DNAAF11: variants seen among roughly 807,000 people sequenced by gnomAD.
DNAAF11 encodes leucine rich repeat containing 6.
Under a neutral mutation model 60.8 loss-of-function variants are expected in DNAAF11, and 45 were observed. That is an observed-to-expected ratio of 0.74 (90% CI 0.58 to 0.95). The LOEUF (loss-of-function observed/expected upper bound fraction) is 0.95, where lower values mean the gene tolerates loss of function less well. Ranked by LOEUF, DNAAF11 falls within the 40% of genes least tolerant of loss-of-function variation. The pLI, the probability that DNAAF11 is intolerant of heterozygous loss-of-function variation, is 0.00. For synonymous variants in DNAAF11, 191 were observed against 183.5 expected (o/e 1.04, Z -0.33); for missense variants, 546 against 546.2 (o/e 1.00, Z 0.00).
At chr8:132,694,842 G>A in the DNAAF11 span, among the ~76,000 whole-genome samples, 21,627 of 152,122 alleles carry the variant, frequency 0.14, 4,408 homozygotes, top group African/African-American at 0.45. Flanking sequence ...GTTTACAATC[G>A]TGAGTATGGA....
the DNAAF11 span, among the ~76,000 whole-genome samples, chr8:132,697,256 C>T: frequency 1.3e-5 from 2 of 152,114 alleles, no homozygotes. Flanking sequence ...GTGATGCCTG[C>T]ATAACTGTAA....
intron 10 of DNAAF11, among the ~76,000 whole-genome samples, chr8:132,606,754 C>G (rs1175037802): frequency 6.6e-6 from 1 of 152,050 alleles, no homozygotes; most frequent in Non-Finnish European, 1.5e-5. Context: ...GGCTCCTGCC[C>G]CAACCTTCCA....
intron 5 of DNAAF11, 118 bp downstream of exon 5, chr8:132,632,622 A>T: frequency 1.4e-6 from 1 of 718,696 alleles, no homozygotes; most frequent in Non-Finnish European, 2.4e-6. Flanking sequence ...AATTCACATC[A>T]TATTTCATTC....
intron 11 of DNAAF11, among the ~76,000 whole-genome samples, chr8:132,573,661 T>C (rs1003692388): frequency 2.6e-5 from 4 of 152,190 alleles, no homozygotes; most frequent in Non-Finnish European, 5.9e-5. Context: ...ATTCAGGAGC[T>C]CTAAACTGAT....
At chr8:132,661,357 G>A (rs1292592640) in intron 2 of DNAAF11, 103 bp downstream of exon 2, 2 of 933,198 alleles carry the variant, frequency 2.1e-6, no homozygotes, top group Non-Finnish European at 3.1e-6. Flanking sequence ...TTCCCATGGA[G>A]TTTTTTTTTC....
At chr8:132,605,796 T>C (rs549688507) in intron 10 of DNAAF11, among the ~76,000 whole-genome samples, 1 of 152,180 alleles carries the variant, frequency 6.6e-6, no homozygotes, top group East Asian at 1.9e-4. Context: ...TGAGGACATC[T>C]TGGGGAAGGA....
intron 10 of DNAAF11, among the ~76,000 whole-genome samples, chr8:132,607,678 A>G (rs1212566206): frequency 6.6e-6 from 1 of 152,212 alleles, no homozygotes; most frequent in Non-Finnish European, 1.5e-5. Context: ...AATATTCCAT[A>G]TATAAATGAC....
At chr8:132,626,339 C>T (rs1820281997) in intron 5 of DNAAF11, among the ~76,000 whole-genome samples, 1 of 152,194 alleles carries the variant, frequency 6.6e-6, no homozygotes, top group Admixed American at 6.5e-5. Flanking sequence ...GCATGAGCCA[C>T]CGCACCCAGC....
chr8:132,667,873 G>A (rs552140311), intron 1 of DNAAF11, among the ~76,000 whole-genome samples: 3 of 152,322 alleles, frequency 2.0e-5, no homozygotes, highest in Non-Finnish European at 4.4e-5. Flanking sequence ...GGATACTGGA[G>A]GCTGTCCTGC....
intron 1 of DNAAF11, among the ~76,000 whole-genome samples, chr8:132,671,972 G>A (rs1825231047): frequency 6.6e-6 from 1 of 152,060 alleles, no homozygotes. Flanking sequence ...TCTTGGATAT[G>A]ACATCAAAAG....
the DNAAF11 span, among the ~76,000 whole-genome samples, chr8:132,699,305 CT>C: frequency 6.6e-6 from 1 of 152,104 alleles, no homozygotes; most frequent in East Asian, 1.9e-4. Context: ...AAGAATGTTT[CT>C]GCCTGAGTGT....
rs1563992420 is a variant in DNAAF11 at position 132,595,347 on chromosome 8, G to GAAAAAAAAAAAAAAAAAAAAAAAAAAAA, written c.1141-11569_1141-11568insTTTTTTTTTTTTTTTTTTTTTTTTTTTT. Among the ~76,000 whole-genome samples, 2 of 40,680 alleles carry GAAAAAAAAAAAAAAAAAAAAAAAAAAAA rather than the reference G, an allele frequency of 4.9e-5. 1 individual carries two copies. The highest frequency in any genetic ancestry group is 9.4e-5 in the Non-Finnish European group (2 of 21,374). 26.7% of individuals were successfully genotyped at this position (40,680 alleles called of 152,430 possible). On this transcript the variant is annotated intron_variant, in intron 10 of 11. Coordinates refer to ENST00000620350, the MANE Select transcript of DNAAF11 (RefSeq NM_012472.6). Reference sequence around the variant, plus strand: ...TTCCCGAAAGAGAGAGAGACAGAGGGGAAAAAAAAAAAAAAAAAAAAAAAA... The same window carrying GAAAAAAAAAAAAAAAAAAAAAAAAAAAA: ...TTCCCGAAAGAGAGAGAGACAGAGGGAAAAAAAAAAAAAAAAAAAAAAAAAAAAGAAAAAAAAAAAAAAAAAAAAAAAA...
the DNAAF11 span, among the ~76,000 whole-genome samples, chr8:132,696,693 G>T: frequency 6.6e-6 from 1 of 152,146 alleles, no homozygotes; most frequent in African/African-American, 2.4e-5. Flanking sequence ...TATACACCAT[G>T]GAATACTATG....
chr8:132,605,298 C>T (rs557883451), intron 10 of DNAAF11, among the ~76,000 whole-genome samples: 3 of 152,142 alleles, frequency 2.0e-5, no homozygotes, highest in East Asian at 1.9e-4. Flanking sequence ...ATCATTTCTT[C>T]CCACTGCCTC....
In DNAAF11 at chr8:132,572,185, C is replaced by G; in HGVS notation, c.*121G>C. ...ACTATGCAAAGTAAGAGTTAAAACA[C>G]TGGAGCAGCGATATTGACAAATAAC... On this transcript the variant is annotated 3_prime_UTR_variant, in exon 12 of 12. Transcript: ENST00000620350. The G allele has an allele frequency of 1.3e-6, 1 of 762,482 alleles. No individual in the cohort carries two copies. The highest frequency in any genetic ancestry group is 2.1e-6 in the Non-Finnish European group (1 of 474,462). The allele number at this position is 762,482 out of a possible 1,614,324, so 47.2% of individuals were successfully genotyped here. A position where few individuals can be genotyped will look rare whatever the true frequency, so the allele number is the denominator to read the frequency against.
chr8:132,595,631 C>A (rs1816932254), intron 10 of DNAAF11, among the ~76,000 whole-genome samples: 1 of 151,916 alleles, frequency 6.6e-6, no homozygotes, highest in Non-Finnish European at 1.5e-5. Context: ...TGAGCACAGA[C>A]AAAAGACTGA....
At position 132,637,935 on chromosome 8, in the gene DNAAF11, C is replaced by T. The variant is rs1424808052; in HGVS notation, c.429G>A (p.Lys143=). The part of the protein sequence containing the change: ...EFVVATLPQL[K]WLDGKEIEPS... ...TTCTGCACCATTAAAAGAACCATAC[C>T]TTTAATTGTGGAAGAGTTGCTACCA... The change falls in exon 4 of 12, where the codon AAG becomes AAA. Residue 143 remains lysine, a splice_region_variant and synonymous_variant. Coordinates refer to ENST00000620350, the MANE Select transcript of DNAAF11 (RefSeq NM_012472.6). 6.2e-7 allele frequency: 1 copy of T among 1,603,582 alleles called. No homozygotes were observed. Among genetic ancestry groups the T allele is most frequent in the African/African-American group, 1.3e-5 (1 of 74,408 alleles).
In DNAAF11 at chr8:132,625,347, C is replaced by T; in HGVS notation, c.761G>A (p.Cys254Tyr). Reference protein sequence around the residue: ...EDDLEFWNKPCLFTPESRLET... With the variant: ...EDDLEFWNKPYLFTPESRLET... ...CAATCTTGATTCAGGAGTAAACAAACAGGGCTTATTCCAGAATTCCAAGTC... is the reference window on the plus strand; with the variant it reads ...CAATCTTGATTCAGGAGTAAACAAATAGGGCTTATTCCAGAATTCCAAGTC... Residue 254 changes from cysteine to tyrosine, a missense_variant, in exon 6 of 12, where the codon TGT (cysteine) becomes TAT (tyrosine). By Grantham distance (194) the Cys-to-Tyr change is radical. Transcript: ENST00000620350. The T allele has an allele frequency of 6.2e-7, 1 of 1,613,322 alleles. No homozygotes were observed. Among genetic ancestry groups the T allele is most frequent in the Non-Finnish European group, 8.5e-7 (1 of 1,179,536 alleles).
the DNAAF11 span, among the ~76,000 whole-genome samples, chr8:132,683,473 G>C: frequency 6.6e-6 from 1 of 152,094 alleles, no homozygotes. Flanking sequence ...CTCTTGTATG[G>C]GCACCTGGAA....
Sources: gnomAD v4.1 joint callset for allele counts (sites outside exome capture counted in the v4.1 genomes callset) on GRCh38, gnomAD v4.1.1 for gene constraint, MANE v1.5 for transcripts, NCBI Gene and HGNC (gene_info 2026-07-23, HGNC 2026-07-21) for gene names.